ASCC1: variants seen among roughly 807,000 people sequenced by gnomAD.
ASCC1 encodes ASC-1 complex subunit P50.
ASCC1 carries 35 observed loss-of-function variants against 46.6 expected under a neutral mutation model. That is an observed-to-expected ratio of 0.75 (90% confidence interval 0.57 to 0.99). The LOEUF (loss-of-function observed/expected upper bound fraction) is 0.99, where lower values mean the gene tolerates loss of function less well. ASCC1 is among the 50% of genes least tolerant of loss of function. The probability of loss-of-function intolerance (pLI) is 0.00; values close to 1 mark genes in which losing one functional copy is unlikely to be tolerated. For missense variants in ASCC1, 376 were observed against 428.7 expected, an observed-to-expected ratio of 0.88 and a Z score of 1.09; for synonymous variants, 143 against 146.6, an observed-to-expected ratio of 0.98 and a Z score of 0.18.
intron 9 of ASCC1, among the ~76,000 whole-genome samples, chr10:72,108,995 C>T (rs998755659): frequency 2.0e-5 from 3 of 152,162 alleles, no homozygotes; most frequent in African/African-American, 7.2e-5. Flanking sequence ...CAGGTAGTGA[C>T]TATCCTAGAG....
At chr10:72,157,455 G>A (rs975404673) in intron 6 of ASCC1, among the ~76,000 whole-genome samples, 2 of 152,120 alleles carry the variant, frequency 1.3e-5, no homozygotes, top group Non-Finnish European at 2.9e-5. Flanking sequence ...CCACTAAAAT[G>A]TTTTTAATGG....
chr10:72,114,618 C>T (rs1400012431), intron 9 of ASCC1, among the ~76,000 whole-genome samples: 6 of 117,662 alleles, frequency 5.1e-5, no homozygotes, highest in Admixed American at 8.4e-5. Context: ...AGTGAGACTC[C>T]GTCTCAAAAA....
At chr10:72,100,517 A>C (rs543658404) in intron 9 of ASCC1, among the ~76,000 whole-genome samples, 1 of 151,700 alleles carries the variant, frequency 6.6e-6, no homozygotes, top group South Asian at 2.1e-4. Flanking sequence ...ATGAGCCACC[A>C]TGCCCAGCCT....
intron 9 of ASCC1, among the ~76,000 whole-genome samples, chr10:72,104,972 G>A (rs979276595): frequency 2.0e-5 from 3 of 152,118 alleles, no homozygotes; most frequent in African/African-American, 7.2e-5. Context: ...CCAGAAACAG[G>A]CAGACTTTGG....
intron 3 of ASCC1, among the ~76,000 whole-genome samples, chr10:72,207,951 AC>A (rs1857449989): frequency 6.6e-6 from 1 of 151,978 alleles, no homozygotes; most frequent in African/African-American, 2.4e-5. Context: ...AGCTGAGACT[AC>A]AAGCACTCAC....
intron 9 of ASCC1, among the ~76,000 whole-genome samples, chr10:72,115,699 T>C (rs1843421539): frequency 6.6e-6 from 1 of 152,214 alleles, no homozygotes; most frequent in African/African-American, 2.4e-5. Flanking sequence ...AATGACTTTT[T>C]ACAGTGTTGT....
intron 9 of ASCC1, among the ~76,000 whole-genome samples, chr10:72,119,080 A>T (rs755286842): frequency 2.0e-5 from 3 of 152,194 alleles, no homozygotes; most frequent in Non-Finnish European, 2.9e-5. Context: ...CCCACAGGAG[A>T]AACCTCCAGA....
chr10:72,107,642 A>G (rs559708384), intron 9 of ASCC1, among the ~76,000 whole-genome samples: 3 of 152,368 alleles, frequency 2.0e-5, no homozygotes, highest in African/African-American at 7.2e-5. Context: ...AGACACACAT[A>G]CCTTCACCTA....
intron 7 of ASCC1, among the ~76,000 whole-genome samples, chr10:72,151,146 C>T (rs1205040706): frequency 1.3e-5 from 2 of 152,192 alleles, no homozygotes; most frequent in Non-Finnish European, 2.9e-5. Context: ...CATATGCACA[C>T]GTATGTTTAT....
At chr10:72,211,409 A>T (rs1164297635) in intron 2 of ASCC1, among the ~76,000 whole-genome samples, 1 of 152,196 alleles carries the variant, frequency 6.6e-6, no homozygotes, top group Non-Finnish European at 1.5e-5. Context: ...AGCCTGGGCA[A>T]CAAAGTAAAA....
chr10:72,103,140 CTTTT>C lies in ASCC1; in HGVS notation c.958-5694_958-5691del, dbSNP rs554220050. ...GAAATAGATACTATGTTTTTTTTTC[CTTTT>C]TTTTTTGAGACAGAGTCTTGCTCTG... On this transcript the variant is annotated intron_variant, in intron 9 of 9. Coordinates refer to ENST00000672957, the MANE Select transcript of ASCC1 (RefSeq NM_001198800.3). Among the ~76,000 whole-genome samples the C allele has an allele frequency of 2.7e-5, 4 of 147,460 alleles. No individual in the cohort carries two copies. In the South Asian group the frequency reaches 8.7e-4, roughly 32 times the overall value.
intron 9 of ASCC1, among the ~76,000 whole-genome samples, chr10:72,103,989 GT>G (rs1409458907): frequency 6.6e-6 from 1 of 152,132 alleles, no homozygotes; most frequent in Non-Finnish European, 1.5e-5. Context: ...TGTAAAGCTT[GT>G]ATTAAATAAA....
intron 3 of ASCC1, among the ~76,000 whole-genome samples, chr10:72,206,391 C>T (rs1454591243): frequency 6.6e-6 from 1 of 151,706 alleles, no homozygotes; most frequent in African/African-American, 2.4e-5. Context: ...GCAACAAGAG[C>T]GAAACTCCCG....
At chr10:72,179,302 G>A (rs1254346337) in intron 5 of ASCC1, among the ~76,000 whole-genome samples, 1 of 152,084 alleles carries the variant, frequency 6.6e-6, no homozygotes, top group Non-Finnish European at 1.5e-5. Context: ...CGCCCGGCCT[G>A]CTGCTCTTTT....
intron 7 of ASCC1, among the ~76,000 whole-genome samples, chr10:72,149,252 C>A (rs953829173): frequency 1.3e-5 from 2 of 151,744 alleles, no homozygotes; most frequent in Admixed American, 6.6e-5. Flanking sequence ...TCCTGGCTGA[C>A]ACGGTGAAAC....
chr10:72,133,386 A>T, intron 7 of ASCC1: 1 of 580,058 alleles, frequency 1.7e-6, no homozygotes, highest in Non-Finnish European at 3.1e-6. Flanking sequence ...GATAGTAGAA[A>T]TAAATGATGG....
At chr10:72,177,560 T>C (rs1374661221) in intron 5 of ASCC1, among the ~76,000 whole-genome samples, 2 of 152,180 alleles carry the variant, frequency 1.3e-5, no homozygotes, top group African/African-American at 4.8e-5. Flanking sequence ...TGATTCAGGT[T>C]CTCTAGGCAG....
intron 5 of ASCC1, among the ~76,000 whole-genome samples, chr10:72,191,448 C>CT (rs1469630782): frequency 2.0e-5 from 3 of 151,174 alleles, no homozygotes; most frequent in African/African-American, 7.3e-5. Flanking sequence ...ATAAAACATA[C>CT]TATGTGGTAT....
intron 5 of ASCC1, among the ~76,000 whole-genome samples, chr10:72,177,469 G>A (rs759442044): frequency 2.0e-5 from 3 of 152,184 alleles, no homozygotes; most frequent in African/African-American, 7.2e-5. Context: ...TTAGGGGGAT[G>A]CAGACCCATT....
Sources: gnomAD v4.1 joint callset for allele counts (sites outside exome capture counted in the v4.1 genomes callset) on GRCh38, gnomAD v4.1.1 for gene constraint, MANE v1.5 for transcripts, NCBI Gene and HGNC (gene_info 2026-07-23, HGNC 2026-07-21) for gene names.